The following PCDHA4 variants were observed in gnomAD, a reference collection of about 807,000 sequenced individuals.
The protein encoded by PCDHA4 is protocadherin alpha-4.
In PCDHA4, 49 loss-of-function variants were observed where a neutral mutation model predicts 61.4. The ratio of observed to expected loss-of-function variants is 0.80; its 90% CI spans 0.63 to 1.01. The LOEUF (loss-of-function observed/expected upper bound fraction) is 1.01. Among genes scored for constraint, PCDHA4 ranks in the 50% least tolerant of loss-of-function variants. The probability of loss-of-function intolerance (pLI) is 0.00; values close to 1 mark genes in which losing one functional copy is unlikely to be tolerated. For synonymous variants in PCDHA4, 590 were observed against 550.3 expected (o/e 1.07, Z -1.01); for missense variants, 1,254 against 1,235.8 (o/e 1.01, Z -0.22).
At chr5:140,884,656 G>GA (rs1317691755) in intron 1 of PCDHA4, 2 of 1,602,060 alleles carry the variant, frequency 1.2e-6, no homozygotes, top group Non-Finnish European at 1.7e-6. Flanking sequence ...CAGAATGCTT[G>GA]AAAGAGGTAA....
intron 1 of PCDHA4, among the ~76,000 whole-genome samples, chr5:140,840,752 A>G (rs1776854454): frequency 6.6e-6 from 1 of 152,098 alleles, no homozygotes; most frequent in Non-Finnish European, 1.5e-5. Context: ...ATAAGAACAC[A>G]AGAAGATAAA....
In PCDHA4 at chr5:141,003,093, C is replaced by T. The variant is rs80317990; in HGVS notation, c.2534-6534C>T. 2.0e-4 allele frequency among the ~76,000 whole-genome samples: 30 copies of T among 152,330 alleles called. No individual in the cohort carries two copies. The East Asian group carries it at 5.4e-3, about 27-fold the overall frequency. ...ATGAGGGTGAGTTTAACAGGCCTGG[C>T]ATTTGCTTCACAATCTTCTGGCCCT... On this transcript the variant is annotated intron_variant, in intron 3 of 3. Coordinates refer to ENST00000530339, the MANE Select transcript of PCDHA4 (RefSeq NM_018907.4).
At chr5:140,873,452 C>G (rs147398020) in intron 1 of PCDHA4, among the ~76,000 whole-genome samples, 1 of 152,006 alleles carries the variant, frequency 6.6e-6, no homozygotes, top group South Asian at 2.1e-4. Context: ...AACAAATTTG[C>G]ATTTTAGATA....
At chr5:140,941,099 TATTACTGG>T (rs1174229664) in intron 1 of PCDHA4, among the ~76,000 whole-genome samples, 5 of 152,146 alleles carry the variant, frequency 3.3e-5, no homozygotes, top group Non-Finnish European at 1.5e-5. Context: ...TTTCACATAC[TATTACTGG>T]AAAGATTAGT....
intron 1 of PCDHA4, chr5:140,855,887 CAA>C: frequency 1.0e-6 from 1 of 985,616 alleles, no homozygotes; most frequent in Non-Finnish European, 1.5e-6. Flanking sequence ...CTTTTTAGAA[CAA>C]AGGCATCAGC....
At chr5:140,986,861 C>T (rs1007036038) in intron 3 of PCDHA4, among the ~76,000 whole-genome samples, 12 of 152,086 alleles carry the variant, frequency 7.9e-5, no homozygotes, top group Non-Finnish European at 1.0e-4. Flanking sequence ...CAACAATACC[C>T]GGAAACTTGT....
At chr5:140,877,095 C>T in intron 1 of PCDHA4, 1 of 1,613,330 alleles carries the variant, frequency 6.2e-7, no homozygotes, top group Non-Finnish European at 8.5e-7. Context: ...GCGACGCCGG[C>T]GTGCCGCCTC....
chr5:140,882,637 G>A (rs540228460), intron 1 of PCDHA4: 1 of 1,614,234 alleles, frequency 6.2e-7, no homozygotes, highest in African/African-American at 1.3e-5. Flanking sequence ...AGGTGAAGGT[G>A]AGGGACATTA....
chr5:140,814,959 A>G, intron 1 of PCDHA4: 1 of 152,090 alleles, frequency 6.6e-6, no homozygotes, highest in East Asian at 1.9e-4. Flanking sequence ...GTCTCTTATG[A>G]CACTTTTTGA....
At chr5:140,968,253 C>A (rs782229675) in intron 1 of PCDHA4, 3 of 1,613,908 alleles carry the variant, frequency 1.9e-6, no homozygotes, top group Non-Finnish European at 2.5e-6. Flanking sequence ...GCCACAGACC[C>A]AGATGAAAAG....
In PCDHA4 at chr5:140,857,943, C is replaced by T. The variant is rs782648009; in HGVS notation, c.2385+48371C>T. 3 of 1,597,460 alleles carry T rather than the reference C, an allele frequency of 1.9e-6. 1 individual carries two copies. The highest frequency in any genetic ancestry group is 2.6e-6 in the Non-Finnish European group (3 of 1,167,412). Reference sequence around the variant, plus strand: ...GGGCTGTACACGGGCGAGATCAGTACGACGCGCGCTCTGGATGAGACTGAC... The same window carrying T: ...GGGCTGTACACGGGCGAGATCAGTATGACGCGCGCTCTGGATGAGACTGAC... On this transcript the variant is annotated intron_variant, in intron 1 of 3. Coordinates refer to ENST00000530339, the MANE Select transcript of PCDHA4 (RefSeq NM_018907.4).
At chr5:140,918,967 C>T (rs1461992761) in intron 1 of PCDHA4, among the ~76,000 whole-genome samples, 1 of 152,164 alleles carries the variant, frequency 6.6e-6, no homozygotes, top group Non-Finnish European at 1.5e-5. Context: ...AGACAGATAT[C>T]GTTTAGGTTA....
intron 1 of PCDHA4, chr5:140,877,446 G>T: frequency 6.2e-7 from 1 of 1,613,856 alleles, no homozygotes; most frequent in Non-Finnish European, 8.5e-7. Flanking sequence ...GTGAGCCCGC[G>T]CTGACGTCCA....
chr5:140,856,002 G>A, intron 1 of PCDHA4: 2 of 1,534,758 alleles, frequency 1.3e-6, no homozygotes, highest in African/African-American at 1.4e-5. Context: ...TCGTATGTGC[G>A]TTCTAGACCG....
intron 1 of PCDHA4, chr5:140,856,380 G>T: frequency 6.3e-7 from 1 of 1,598,530 alleles, no homozygotes; most frequent in Non-Finnish European, 8.6e-7. Flanking sequence ...ATCGTGGACA[G>T]GCCGCTGCAG....
chr5:140,854,012 A>G (rs1356134246), intron 1 of PCDHA4: 2 of 368,086 alleles, frequency 5.4e-6, no homozygotes, highest in African/African-American at 4.5e-5. Flanking sequence ...AAAAAAAAAA[A>G]TTAGCCGGGC....
chr5:140,820,446 G>T (rs1554127843), intron 1 of PCDHA4, among the ~76,000 whole-genome samples: 2 of 151,820 alleles, frequency 1.3e-5, no homozygotes, highest in African/African-American at 4.8e-5. Context: ...TAATCTCTTG[G>T]TCCCTCTTGT....
chr5:140,830,572 T>G (rs1012149476), intron 1 of PCDHA4: 1 of 871,720 alleles, frequency 1.1e-6, no homozygotes, highest in Non-Finnish European at 1.6e-6. Context: ...TTTCTGTTTT[T>G]AATTTTTAAT....
chr5:140,871,966 C>G (rs1210672603), intron 1 of PCDHA4, among the ~76,000 whole-genome samples: 2 of 152,204 alleles, frequency 1.3e-5, no homozygotes, highest in African/African-American at 4.8e-5. Context: ...AGGAGGTCTT[C>G]CTATGATGTC....
Sources: gnomAD v4.1 joint callset for allele counts (sites outside exome capture counted in the v4.1 genomes callset) on GRCh38, gnomAD v4.1.1 for gene constraint, MANE v1.5 for transcripts, NCBI Gene and HGNC (gene_info 2026-07-23, HGNC 2026-07-21) for gene names.